The following NRDC variants were observed in gnomAD, a reference collection of about 807,000 sequenced individuals.
NRDC encodes nardilysin.
Under a neutral mutation model 147.1 loss-of-function variants are expected in NRDC, and 54 were observed. That is an observed-to-expected ratio of 0.37 (90% CI 0.29 to 0.46). The LOEUF (loss-of-function observed/expected upper bound fraction) is 0.46. Ranked by LOEUF, NRDC falls within the 20% of genes least tolerant of loss-of-function variation. The probability of loss-of-function intolerance (pLI) is 1.00; values close to 1 mark genes in which losing one functional copy is unlikely to be tolerated. For missense variants in NRDC, 1,082 were observed against 1,370.6 expected, an observed-to-expected ratio of 0.79 and a Z score of 3.33; for synonymous variants, 440 against 482.1, an observed-to-expected ratio of 0.91 and a Z score of 1.14.
At chr1:51,846,399 C>A (rs982605095) in intron 1 of NRDC, among the ~76,000 whole-genome samples, 1 of 152,194 alleles carries the variant, frequency 6.6e-6, no homozygotes, top group African/African-American at 2.4e-5. Context: ...CAGACATGAG[C>A]CACCGTGCAC....
intron 8 of NRDC, among the ~76,000 whole-genome samples, chr1:51,821,211 G>A (rs960631646): frequency 7.2e-5 from 11 of 152,000 alleles, no homozygotes; most frequent in South Asian, 2.1e-4. Flanking sequence ...ATTTTCTTTC[G>A]TATCACAGAA....
At chr1:51,805,458 G>A in intron 19 of NRDC, 52 bp downstream of exon 19, 1 of 1,312,724 alleles carries the variant, frequency 7.6e-7, no homozygotes. Flanking sequence ...AAACAAAATA[G>A]TTTTTCAATA....
intron 1 of NRDC, among the ~76,000 whole-genome samples, chr1:51,876,492 A>T (rs1014718676): frequency 6.6e-6 from 1 of 152,226 alleles, no homozygotes; most frequent in Non-Finnish European, 1.5e-5. Context: ...AAGTTTGTGT[A>T]CATGAACCAA....
At chr1:51,865,124 T>A in intron 1 of NRDC, among the ~76,000 whole-genome samples, 1 of 151,866 alleles carries the variant, frequency 6.6e-6, no homozygotes, top group Non-Finnish European at 1.5e-5. Flanking sequence ...ACTCATATAA[T>A]CGACAAAAAA....
chr1:51,797,916 A>G, intron 22 of NRDC: 1 of 204,306 alleles, frequency 4.9e-6, no homozygotes, highest in Non-Finnish European at 1.0e-5. Context: ...GACTATAGGC[A>G]TGTGCCACCA....
At chr1:51,869,390 A>G (rs1682973921) in intron 1 of NRDC, among the ~76,000 whole-genome samples, 1 of 152,214 alleles carries the variant, frequency 6.6e-6, no homozygotes, top group East Asian at 1.9e-4. Context: ...TCCTTTCCCC[A>G]GAGAAATGAG....
intron 4 of NRDC, among the ~76,000 whole-genome samples, chr1:51,828,190 A>T (rs1176973169): frequency 6.6e-6 from 1 of 152,198 alleles, no homozygotes; most frequent in Non-Finnish European, 1.5e-5. Context: ...CCCTTACCTC[A>T]AGAAATATCC....
chr1:51,877,186 CAA>C (rs1213284495), intron 1 of NRDC, among the ~76,000 whole-genome samples: 1 of 139,604 alleles, frequency 7.2e-6, no homozygotes, highest in Non-Finnish European at 1.6e-5. Context: ...GACTCCGTTT[CAA>C]AAAAAAAAAG....
At chr1:51,850,409 T>C (rs1485538299) in intron 1 of NRDC, among the ~76,000 whole-genome samples, 1 of 146,768 alleles carries the variant, frequency 6.8e-6, no homozygotes, top group African/African-American at 2.4e-5. Context: ...CTACCTTACC[T>C]TCAACATATA....
At position 51,800,660 on chromosome 1, in the gene NRDC, G is replaced by A. The variant is rs759165848; in HGVS notation, c.2337C>T (p.Asp779=). 4.3e-6 allele frequency: 7 copies of A among 1,613,296 alleles called. No individual in the cohort carries two copies. The highest frequency in any genetic ancestry group is 5.1e-6 in the Non-Finnish European group (6 of 1,179,622). The change falls in exon 21 of 31, where the codon GAC becomes GAT. Residue 779 remains aspartate (D), a synonymous_variant. Coordinates refer to ENST00000352171, the MANE Select transcript of NRDC (RefSeq NM_001101662.2). ...KLPLLFQLII[D]YLAEFNSTPA... ...GTGTGGAATTGAACTCAGCTAAGTA[G>A]TCAATAATGAGCTGAAACAGTAGCT...
At chr1:51,874,169 C>T (rs1331936205) in intron 1 of NRDC, among the ~76,000 whole-genome samples, 1 of 148,592 alleles carries the variant, frequency 6.7e-6, no homozygotes, top group African/African-American at 2.5e-5. Flanking sequence ...AAGAAGTTTA[C>T]ATACCTTTTC....
At chr1:51,863,013 G>GAAAAAAAA (rs562410956) in intron 1 of NRDC, among the ~76,000 whole-genome samples, 3 of 32,050 alleles carry the variant, frequency 9.4e-5, no homozygotes, top group Admixed American at 6.0e-4. Flanking sequence ...CTGTGTGGAG[G>GAAAAAAAA]AAAAAAAAAA....
intron 4 of NRDC, among the ~76,000 whole-genome samples, chr1:51,831,330 T>C (rs918526114): frequency 1.3e-5 from 2 of 152,214 alleles, no homozygotes; most frequent in Non-Finnish European, 2.9e-5. Context: ...TCCTTCTTTG[T>C]ATATGGACAA....
chr1:51,871,108 G>A (rs1683065788), intron 1 of NRDC, among the ~76,000 whole-genome samples: 1 of 152,048 alleles, frequency 6.6e-6, no homozygotes, highest in South Asian at 2.1e-4. Flanking sequence ...CCTGAGGTCA[G>A]GAGTTCAAAA....
chr1:51,837,818 A>G (rs1681061259), intron 2 of NRDC, among the ~76,000 whole-genome samples: 1 of 152,244 alleles, frequency 6.6e-6, no homozygotes, highest in African/African-American at 2.4e-5. Flanking sequence ...ACGGAGAGGG[A>G]TAAAAAAGAT....
rs1571937006 is a variant in NRDC, at chr1:51,878,681, C to A, written c.-66G>T. The A allele has an allele frequency of 1.4e-6, 2 of 1,411,952 alleles. No homozygotes were observed. Among genetic ancestry groups the A allele is most frequent in the Non-Finnish European group, 1.9e-6 (2 of 1,033,636 alleles). The allele number at this position is 1,411,952 out of a possible 1,614,324, so 87.5% of individuals were successfully genotyped here. ...ACCCACCTCCTCCGCGTTCTAGAGG[C>A]GGTGGCGGCCGGCCCTGGTGCTGCC... On this transcript the variant is annotated 5_prime_UTR_variant, in exon 1 of 31. Coordinates refer to ENST00000352171, the MANE Select transcript of NRDC (RefSeq NM_001101662.2).
rs564690555 is a variant in NRDC, at chr1:51,867,463, G to A, written c.341+10812C>T. Among the ~76,000 whole-genome samples, 16 of 152,250 alleles carry A rather than the reference G, an allele frequency of 1.1e-4. 1 individual carries two copies. The South Asian group carries it at 3.3e-3, about 32-fold the overall frequency. ...GGAAAACAAAATTTATTTTATACAG[G>A]CTGATATTTAAAGTCATGAGACCGG... On this transcript the variant is annotated intron_variant, in intron 1 of 30. Coordinates refer to ENST00000352171, the MANE Select transcript of NRDC (RefSeq NM_001101662.2).
At chr1:51,841,047 G>T (rs2149223598) in intron 1 of NRDC, among the ~76,000 whole-genome samples, 1 of 152,288 alleles carries the variant, frequency 6.6e-6, no homozygotes, top group African/African-American at 2.4e-5. Flanking sequence ...CTAAAAAGTG[G>T]TTATATCTCT....
chr1:51,825,145 G>A lies in NRDC; in HGVS notation c.1036+142C>T, dbSNP rs74928731. 2,797 of 614,910 alleles carry A rather than the reference G, an allele frequency of 4.5e-3. 52 individuals carry two copies. The African/African-American group carries it at 0.047, about 10-fold the overall frequency. The allele number at this position is 614,910 out of a possible 1,614,324, so 38.1% of individuals were successfully genotyped here. The stretch of plus-strand genomic sequence containing the variant: ...ATAGAGGCATATTTAACAACTTCGC[G>A]TTTGAAAGGCTAACTAGCTATCCTA... On this transcript the variant is annotated intron_variant, in intron 6 of 30. Transcript: ENST00000352171.
Sources: gnomAD v4.1 joint callset for allele counts (sites outside exome capture counted in the v4.1 genomes callset) on GRCh38, gnomAD v4.1.1 for gene constraint, MANE v1.5 for transcripts, NCBI Gene and HGNC (gene_info 2026-07-23, HGNC 2026-07-21) for gene names.